The following ANAPC1 variants were observed in gnomAD, a reference collection of about 807,000 sequenced individuals.
The protein encoded by ANAPC1 is anaphase-promoting complex subunit 1.
ANAPC1 carries 36 observed loss-of-function variants against 208.0 expected under a neutral mutation model. That is an observed-to-expected ratio of 0.17 (90% CI 0.13 to 0.23). The LOEUF (loss-of-function observed/expected upper bound fraction) is 0.23, where lower values mean the gene tolerates loss of function less well. ANAPC1 is among the 10% of genes least tolerant of loss of function. ANAPC1 has a pLI of 1.00. For synonymous variants in ANAPC1, 378 were observed against 695.2 expected (o/e 0.54, Z 7.18); for missense variants, 942 against 2,011.6 (o/e 0.47, Z 10.17).
intron 7 of ANAPC1, among the ~76,000 whole-genome samples, chr2:111,867,535 A>G (rs1176299191): frequency 6.6e-6 from 1 of 151,830 alleles, no homozygotes; most frequent in Non-Finnish European, 1.5e-5. Context: ...CACCAAAAAT[A>G]TAAAAAATTA....
At chr2:111,846,538 T>A in intron 16 of ANAPC1, among the ~76,000 whole-genome samples, 1 of 44,760 alleles carries the variant, frequency 2.2e-5, no homozygotes, top group East Asian at 4.3e-4. Context: ...CATATACATA[T>A]ATATATATAT....
chr2:111,881,696 T>C (rs1249544316), intron 1 of ANAPC1, among the ~76,000 whole-genome samples: 2 of 152,256 alleles, frequency 1.3e-5, no homozygotes, highest in Admixed American at 6.5e-5. Flanking sequence ...CACTTTCCTG[T>C]ACCTGTTTAT....
chr2:111,856,716 A>G (rs1681743863), intron 12 of ANAPC1, 37 bp from the exon 13 acceptor site: 13 of 1,613,438 alleles, frequency 8.1e-6, no homozygotes, highest in Middle Eastern at 1.7e-4. Context: ...TTATTTCCCA[A>G]TCTGAGCAAA....
Position 111,834,695 on chromosome 2 carries a change from C to A in ANAPC1, c.2293G>T (p.Val765Phe). Residue 765 changes from valine to phenylalanine, a missense_variant, in exon 19 of 48, where the codon GTT becomes TTT. By Grantham distance (50) the Val-to-Phe change is conservative. Coordinates refer to ENST00000341068, the MANE Select transcript of ANAPC1 (RefSeq NM_022662.4). ...LFTHIPAIFF[V>F]LHLVYEELKL... is the part of the protein sequence containing the mutation. Reference sequence around the variant, plus strand: ...AGCTCCTCATACACAAGGTGAAGAACGAAAAAAATTGCAGGTATGTGAGTA... The same window carrying A: ...AGCTCCTCATACACAAGGTGAAGAAAGAAAAAAATTGCAGGTATGTGAGTA... 1.2e-6 allele frequency: 2 copies of A among 1,612,992 alleles called. No homozygotes were observed. Among genetic ancestry groups the A allele is most frequent in the Non-Finnish European group, 1.7e-6 (2 of 1,179,534 alleles).
intron 26 of ANAPC1, among the ~76,000 whole-genome samples, chr2:111,820,758 T>C (rs907624687): frequency 1.4e-5 from 2 of 144,464 alleles, no homozygotes; most frequent in Non-Finnish European, 1.5e-5. Flanking sequence ...TGCAGGGGAG[T>C]GGCAGAAGAA....
intron 21 of ANAPC1, among the ~76,000 whole-genome samples, chr2:111,829,952 C>T (rs1204279700): frequency 6.6e-6 from 1 of 152,054 alleles, no homozygotes; most frequent in Admixed American, 6.6e-5. Flanking sequence ...ATCCTGTAAT[C>T]CCAGCTATTT....
rs534424869 is a variant in ANAPC1 at position 111,880,579 on chromosome 2, C to T, written c.213+34G>A. The T allele has an allele frequency of 7.7e-4, 1,203 of 1,568,436 alleles. 13 individuals are homozygous for T. The South Asian group carries it at 8.3e-3, about 11-fold the overall frequency. On this transcript the variant is annotated intron_variant, in intron 2 of 47. Transcript: ENST00000341068. ...ATTACAAGTAGATTATATCACTCTA[C>T]ATTTCAAAAACACAATGGGAAACTC...
intron 21 of ANAPC1, among the ~76,000 whole-genome samples, chr2:111,828,100 A>G (rs1679935321): frequency 6.6e-6 from 1 of 152,182 alleles, no homozygotes; most frequent in South Asian, 2.1e-4. Flanking sequence ...ATAAAAATCC[A>G]ATTTTCAAAT....
At chr2:111,816,242 C>G (rs1365342454) in intron 27 of ANAPC1, among the ~76,000 whole-genome samples, 2 of 148,024 alleles carry the variant, frequency 1.4e-5, no homozygotes, top group African/African-American at 2.6e-5. Flanking sequence ...CCCACCTGGG[C>G]AGCAGACAGA....
At chr2:111,852,550 T>G (rs1196426256) in intron 13 of ANAPC1, among the ~76,000 whole-genome samples, 1 of 152,208 alleles carries the variant, frequency 6.6e-6, no homozygotes, top group African/African-American at 2.4e-5. Context: ...CCTCGTCTAT[T>G]TGAGGAAGTC....
intron 39 of ANAPC1, among the ~76,000 whole-genome samples, chr2:111,787,606 C>A (rs147038386): frequency 8.7e-4 from 133 of 152,132 alleles, no homozygotes; most frequent in Middle Eastern, 3.4e-3. Context: ...TTCTCTGCCC[C>A]CATATGCAAG....
chr2:111,855,096 T>G (rs753954922), intron 13 of ANAPC1, among the ~76,000 whole-genome samples: 13 of 152,202 alleles, frequency 8.5e-5, no homozygotes, highest in Non-Finnish European at 1.9e-4. Flanking sequence ...GGGTTACTAA[T>G]TGGTCTAATT....
intron 17 of ANAPC1, among the ~76,000 whole-genome samples, chr2:111,842,415 G>T (rs547698179): frequency 6.6e-6 from 1 of 152,018 alleles, no homozygotes; most frequent in Non-Finnish European, 1.5e-5. Flanking sequence ...AGGCTGAGAC[G>T]GGCAGATCAT....
intron 14 of ANAPC1, among the ~76,000 whole-genome samples, chr2:111,849,063 A>T (rs1363721710): frequency 6.6e-6 from 1 of 152,218 alleles, no homozygotes; most frequent in Non-Finnish European, 1.5e-5. Context: ...TTCAATTTAT[A>T]TATCTCTAAG....
intron 13 of ANAPC1, among the ~76,000 whole-genome samples, chr2:111,851,561 C>A (rs1681396969): frequency 6.6e-6 from 1 of 151,804 alleles, no homozygotes; most frequent in Non-Finnish European, 1.5e-5. Context: ...AATCCTAACA[C>A]TTTGGGAGGC....
intron 3 of ANAPC1, among the ~76,000 whole-genome samples, chr2:111,874,887 A>G (rs543792807): frequency 6.6e-6 from 1 of 152,158 alleles, no homozygotes; most frequent in Non-Finnish European, 1.5e-5. Flanking sequence ...GCATGATTCT[A>G]GCTCGCAGCA....
chr2:111,772,330 T>C lies in ANAPC1; in HGVS notation c.5719+11A>G, dbSNP rs751236630. 1 of 1,613,678 alleles carries C rather than the reference T, an allele frequency of 6.2e-7. No homozygotes were observed. ...AGAGTTACTGAAGATAAGACTTAGA[T>C]ATGCAATTACCTTCTAGTCCTATAG... On this transcript the variant is annotated intron_variant, in intron 47 of 47. Coordinates refer to ENST00000341068, the MANE Select transcript of ANAPC1 (RefSeq NM_022662.4).
chr2:111,799,163 A>G (rs966959636), intron 34 of ANAPC1, among the ~76,000 whole-genome samples: 2 of 152,276 alleles, frequency 1.3e-5, no homozygotes, highest in Non-Finnish European at 1.5e-5. Context: ...ACTTCACAAA[A>G]AAAGATAGAT....
intron 14 of ANAPC1, among the ~76,000 whole-genome samples, chr2:111,848,253 T>C (rs1314208475): frequency 1.3e-5 from 2 of 151,980 alleles, no homozygotes; most frequent in Non-Finnish European, 2.9e-5. Flanking sequence ...TTGGTGGCTA[T>C]GGAAAAGCTG....
Sources: allele counts gnomAD v4.1 joint callset (sites outside exome capture counted in the v4.1 genomes callset), GRCh38; gene constraint gnomAD v4.1.1; transcripts MANE v1.5; gene names NCBI Gene and HGNC (gene_info 2026-07-23, HGNC 2026-07-21).